TBXAS1: variants seen among roughly 807,000 people sequenced by gnomAD.
The protein encoded by TBXAS1 is thromboxane A synthase 1, also known as thromboxane-A synthase.
A neutral mutation model predicts 60.7 loss-of-function variants in TBXAS1; 48 were observed. The ratio of observed to expected loss-of-function variants is 0.79; its 90% CI spans 0.63 to 1.01. TBXAS1 has a LOEUF of 1.01. TBXAS1 is among the 50% of genes least tolerant of loss of function. The pLI is 0.00. For missense variants in TBXAS1, 685 were observed against 686.3 expected (o/e 1.00, Z 0.02); for synonymous variants, 287 against 269.7 (o/e 1.06, Z -0.63).
rs764216254 is a variant in TBXAS1 at position 139,896,420 on chromosome 7, G to A, written c.237-14805G>A. Among the ~76,000 whole-genome samples the A allele has an allele frequency of 4.6e-5, 7 of 152,152 alleles. No homozygotes were observed. Among genetic ancestry groups the A allele is most frequent in the Non-Finnish European group, 8.8e-5 (6 of 68,018 alleles). ...GCAGGGGGAATACTGCACATCTGGG[G>A]AACCATAAATAACTTTTTCACAGCA... On this transcript the variant is annotated intron_variant, in intron 3 of 12. Transcript: ENST00000448866. The surrounding 1 kb of genome is among the most constrained non-coding windows in gnomAD (Gnocchi z 4.0).
intron 3 of TBXAS1, among the ~76,000 whole-genome samples, chr7:139,886,386 ATTTTTTTT>A (rs8192818): frequency 3.2e-4 from 32 of 99,640 alleles, no homozygotes; most frequent in African/African-American, 1.1e-3. Context: ...TTGCAGATGA[ATTTTTTTT>A]TTTTTTTTTT....
chr7:139,976,161 C>G (rs1218028745), intron 9 of TBXAS1, among the ~76,000 whole-genome samples: 1 of 152,242 alleles, frequency 6.6e-6, no homozygotes, highest in East Asian at 1.9e-4. Context: ...GGCCTCCCCT[C>G]TGCTCATTGC....
At chr7:139,824,027 G>T (rs1348262447) in intron 4 of TBXAS1, among the ~76,000 whole-genome samples, 2 of 152,238 alleles carry the variant, frequency 1.3e-5, no homozygotes, top group East Asian at 3.8e-4. Context: ...GCACAGAGCA[G>T]CTGGGAGCCT....
intron 9 of TBXAS1, among the ~76,000 whole-genome samples, chr7:139,984,614 AAGAGAGAGAGAG>A (rs748137753): frequency 6.1e-5 from 4 of 65,550 alleles, no homozygotes; most frequent in Non-Finnish European, 1.3e-4. Context: ...ATAAGAAAGA[AAGAGAGAGAGAG>A]AGAGAGAGAG....
intron 4 of TBXAS1, among the ~76,000 whole-genome samples, chr7:139,809,162 T>C (rs1469525494): frequency 1.3e-5 from 2 of 151,138 alleles, no homozygotes; most frequent in African/African-American, 4.9e-5. Flanking sequence ...GGTAGATAGA[T>C]AGATAGATAG....
intron 9 of TBXAS1, among the ~76,000 whole-genome samples, chr7:139,983,635 C>G (rs1766913086): frequency 6.6e-6 from 1 of 152,190 alleles, no homozygotes; most frequent in Admixed American, 6.5e-5. Context: ...CCTACTCAGT[C>G]TAGATTTTCA....
intron 3 of TBXAS1, among the ~76,000 whole-genome samples, chr7:139,888,778 A>G (rs1377553308): frequency 2.0e-5 from 3 of 152,170 alleles, no homozygotes; most frequent in Non-Finnish European, 2.9e-5. Flanking sequence ...GTGTGCTAGG[A>G]AAATGTGATG....
chr7:139,943,853 T>G (rs1808481087), intron 5 of TBXAS1, among the ~76,000 whole-genome samples: 1 of 152,118 alleles, frequency 6.6e-6, no homozygotes, highest in South Asian at 2.1e-4. Context: ...TTAGAGCACT[T>G]TAAGGCATTA....
intron 4 of TBXAS1, among the ~76,000 whole-genome samples, chr7:139,803,483 C>T (rs1367672549): frequency 6.6e-6 from 1 of 152,180 alleles, no homozygotes; most frequent in African/African-American, 2.4e-5. Flanking sequence ...AAGAAAAACC[C>T]ATTTTCTGGA....
upstream of TBXAS1, among the ~76,000 whole-genome samples, chr7:139,827,142 C>T (rs1350771928): frequency 6.6e-6 from 1 of 152,188 alleles, no homozygotes; most frequent in Admixed American, 6.5e-5. Flanking sequence ...AAGGCAGCAG[C>T]CTTCTGTGTG....
chr7:139,796,393 C>T (rs1797572310), intron 4 of TBXAS1, among the ~76,000 whole-genome samples: 5 of 152,204 alleles, frequency 3.3e-5, no homozygotes, highest in South Asian at 4.1e-4. Flanking sequence ...TCCAAAAAGG[C>T]TGCATACTGT....
intron 1 of TBXAS1, among the ~76,000 whole-genome samples, chr7:139,837,493 G>A (rs1176832189): frequency 3.3e-5 from 5 of 152,202 alleles, no homozygotes; most frequent in Non-Finnish European, 5.9e-5. Context: ...AAAAAGGAAC[G>A]ACTTAACAGC....
In TBXAS1 at chr7:139,921,852, A is replaced by G. The variant is rs188670782; in HGVS notation, c.333+10531A>G. On this transcript the variant is annotated intron_variant, in intron 4 of 12. Transcript: ENST00000448866. ...GCATTTATGAACACCTAGGAGCAGC[A>G]TCGCTAGCCCACGAGAGTAGGTGCA... 1.3e-3 allele frequency among the ~76,000 whole-genome samples: 203 copies of G among 152,352 alleles called. 1 individual carries two copies. In the Middle Eastern group the frequency reaches 0.031, roughly 23 times the overall value.
chr7:139,816,154 G>A (rs988266293), intron 4 of TBXAS1, among the ~76,000 whole-genome samples: 5 of 152,254 alleles, frequency 3.3e-5, no homozygotes, highest in African/African-American at 9.6e-5. Flanking sequence ...TGTGAAGAAG[G>A]CGCCTGTTTT....
At chr7:139,927,762 G>A (rs1378631783) in intron 4 of TBXAS1, among the ~76,000 whole-genome samples, 1 of 151,944 alleles carries the variant, frequency 6.6e-6, no homozygotes, top group Non-Finnish European at 1.5e-5. Context: ...GTATTTAATA[G>A]TTTTACTGTT....
At chr7:139,838,237 C>T (rs1799196436) in intron 1 of TBXAS1, among the ~76,000 whole-genome samples, 1 of 152,234 alleles carries the variant, frequency 6.6e-6, no homozygotes, top group African/African-American at 2.4e-5. Flanking sequence ...CAACTCCAAG[C>T]TCAGGGGTGC....
chr7:139,893,993 G>A (rs1294101547), intron 3 of TBXAS1, among the ~76,000 whole-genome samples: 3 of 152,192 alleles, frequency 2.0e-5, no homozygotes, highest in African/African-American at 7.2e-5. Context: ...AACTCACCAG[G>A]ATGAGAAGGA....
intron 9 of TBXAS1, among the ~76,000 whole-genome samples, chr7:139,987,113 G>A (rs1812547818): frequency 6.6e-6 from 1 of 152,074 alleles, no homozygotes. Context: ...TCTCGTGCTT[G>A]GCTGCAGCCT....
chr7:139,984,946 A>AAAAGAAAGAAAGAAAGAAAAGAAAAG (rs1812334277), intron 9 of TBXAS1, among the ~76,000 whole-genome samples: 1 of 141,774 alleles, frequency 7.1e-6, no homozygotes, highest in African/African-American at 2.6e-5. Flanking sequence ...GAAAGAAAAG[A>AAAAGAAAGAAAGAAAGAAAAGAAAAG]AAAGAAAGAA....
Sources: allele counts gnomAD v4.1 joint callset (sites outside exome capture counted in the v4.1 genomes callset), GRCh38; gene constraint gnomAD v4.1.1; non-coding constraint Gnocchi (gnomAD v3.1); transcripts MANE v1.5; gene names NCBI Gene and HGNC (gene_info 2026-07-23, HGNC 2026-07-21).